KLF17: variants seen among roughly 807,000 people sequenced by gnomAD.
The protein encoded by KLF17 is Krueppel-like factor 17.
In KLF17, 31 loss-of-function variants were observed where a neutral mutation model predicts 34.2. The ratio of observed to expected loss-of-function variants is 0.91; its 90% CI spans 0.68 to 1.22. KLF17 has a LOEUF of 1.22. KLF17 is among the 50% of genes most tolerant of loss of function. KLF17 has a pLI of 0.00. For synonymous variants in KLF17, 179 were observed against 186.7 expected (o/e 0.96, Z 0.34); for missense variants, 478 against 505.2 (o/e 0.95, Z 0.52).
the KLF17 span, among the ~76,000 whole-genome samples, chr1:44,109,367 A>C: frequency 6.6e-6 from 1 of 152,242 alleles, no homozygotes; most frequent in South Asian, 2.1e-4. Flanking sequence ...GGGATAAGCA[A>C]AACAAAACAA....
chr1:44,063,612 A>G, the KLF17 span, among the ~76,000 whole-genome samples: 54 of 152,340 alleles, frequency 3.5e-4, no homozygotes, highest in African/African-American at 1.2e-3. Context: ...TTTTCTTAAA[A>G]TAATCACTTG....
chr1:44,103,722 T>A, the KLF17 span: 12 of 1,483,252 alleles, frequency 8.1e-6, 2 homozygotes, highest in South Asian at 1.4e-4. Flanking sequence ...CTCGGACAGC[T>A]TGGCGTTGGC....
the KLF17 span, among the ~76,000 whole-genome samples, chr1:44,099,857 GAAAGAAAGAAA>G: frequency 1.0e-5 from 1 of 97,014 alleles, no homozygotes; most frequent in Non-Finnish European, 2.1e-5. Context: ...AAGAAAGAAA[GAAAGAAAGAAA>G]GAAAGAAAGA....
At chr1:44,094,183 C>T in the KLF17 span, among the ~76,000 whole-genome samples, 3 of 103,360 alleles carry the variant, frequency 2.9e-5, no homozygotes, top group Non-Finnish European at 5.8e-5. Context: ...ATTTTAAACA[C>T]AGGTTATTTG....
chr1:44,112,728 T>C, the KLF17 span, among the ~76,000 whole-genome samples: 2 of 152,198 alleles, frequency 1.3e-5, no homozygotes, highest in South Asian at 2.1e-4. Flanking sequence ...CCTTTTCTGG[T>C]CATCTTTCTT....
At chr1:44,127,149 T>G (rs1310156860) in intron 1 of KLF17, among the ~76,000 whole-genome samples, 2 of 151,438 alleles carry the variant, frequency 1.3e-5, no homozygotes, top group African/African-American at 2.4e-5. Flanking sequence ...ACTCAAGAGA[T>G]CCTTCCACCT....
chr1:44,064,017 C>A, the KLF17 span, among the ~76,000 whole-genome samples: 19 of 152,112 alleles, frequency 1.2e-4, no homozygotes, highest in African/African-American at 4.1e-4. Flanking sequence ...GGGGCCAGAG[C>A]AGAGTGGAAA....
chr1:44,127,573 G>A (rs997562032), intron 1 of KLF17, among the ~76,000 whole-genome samples: 2 of 147,932 alleles, frequency 1.4e-5, no homozygotes, highest in Admixed American at 6.7e-5. Context: ...CTGACCTCAA[G>A]TGATCCACCC....
the KLF17 span, among the ~76,000 whole-genome samples, chr1:44,095,396 G>A: frequency 2.0e-5 from 3 of 150,968 alleles, no homozygotes; most frequent in African/African-American, 7.3e-5. Context: ...TGTATTTTTA[G>A]TAGAAACGAA....
At chr1:44,086,493 AAATAAAT>A in the KLF17 span, among the ~76,000 whole-genome samples, 1 of 151,702 alleles carries the variant, frequency 6.6e-6, no homozygotes, top group South Asian at 2.1e-4. Context: ...ATAAATAAAT[AAATAAAT>A]AAATAAAAAT....
the KLF17 span, chr1:44,045,345 C>T: frequency 2.0e-5 from 3 of 152,392 alleles, no homozygotes; most frequent in African/African-American, 7.2e-5. Flanking sequence ...CTTGACACTT[C>T]CTCCTCCGCC....
At position 44,129,872 on chromosome 1, in the gene KLF17, G is replaced by A; in HGVS notation, c.601G>A (p.Ala201Thr). The change falls in exon 2 of 4, where the codon GCC (alanine) becomes ACC (threonine). Residue 201 changes from alanine (A) to threonine (T), a missense_variant. Transcript: ENST00000372299. The part of the protein sequence containing the change: ...LLGPTVPSTE[A>T]QAVLPSMAQM... ...GGGCCCGACTGTGCCTTCCACTGAG[G>A]CCCAGGCAGTGCTCCCCTCCATGGC... 1 of 1,614,180 alleles carries A rather than the reference G, an allele frequency of 6.2e-7. No individual in the cohort carries two copies. Among genetic ancestry groups the A allele is most frequent in the Non-Finnish European group, 8.5e-7 (1 of 1,180,038 alleles).
At chr1:44,049,464 A>G in the KLF17 span, among the ~76,000 whole-genome samples, 1 of 152,164 alleles carries the variant, frequency 6.6e-6, no homozygotes. Context: ...TGAATTTCAT[A>G]TAGTTAGAAT....
the KLF17 span, among the ~76,000 whole-genome samples, chr1:44,081,198 C>T: frequency 6.8e-6 from 1 of 146,124 alleles, no homozygotes; most frequent in African/African-American, 2.5e-5. Flanking sequence ...TGCACTCCAG[C>T]CTGGGTAACA....
rs1339851218 is a variant in KLF17 at position 44,122,067 on chromosome 1, T to C, written c.81+3079T>C. On this transcript the variant is annotated intron_variant, in intron 1 of 3. Transcript: ENST00000372299. ...TTTTCATTTTTTTGTCCCACTTTTA[T>C]GTTTATTAAAAACTGACATAAACAC... 5 of 839,910 alleles carry C rather than the reference T, an allele frequency of 6.0e-6. No individual in the cohort carries two copies. In the East Asian group the frequency reaches 1.3e-4, roughly 22 times the overall value. 52.0% of individuals were successfully genotyped at this position (839,910 alleles called of 1,614,324 possible).
At chr1:44,063,521 C>G in the KLF17 span, among the ~76,000 whole-genome samples, 1 of 152,146 alleles carries the variant, frequency 6.6e-6, no homozygotes, top group African/African-American at 2.4e-5. Flanking sequence ...GCTGCTTCTT[C>G]TATGATATTG....
the KLF17 span, among the ~76,000 whole-genome samples, chr1:44,045,647 A>G: frequency 1.3e-5 from 2 of 152,206 alleles, no homozygotes; most frequent in South Asian, 2.1e-4. Flanking sequence ...GCAATAGTTA[A>G]ACAGTTGCCA....
the KLF17 span, among the ~76,000 whole-genome samples, chr1:44,102,402 A>C: frequency 6.6e-6 from 1 of 151,736 alleles, no homozygotes; most frequent in Admixed American, 6.6e-5. Flanking sequence ...AAAATACAAA[A>C]ATTAACCAGG....
At chr1:44,073,722 G>A in the KLF17 span, among the ~76,000 whole-genome samples, 2 of 152,086 alleles carry the variant, frequency 1.3e-5, no homozygotes, top group African/African-American at 2.4e-5. Context: ...CCCCTGGGGA[G>A]CCCTTCCTAA....
Sources: gnomAD v4.1 joint callset for allele counts (sites outside exome capture counted in the v4.1 genomes callset) on GRCh38, gnomAD v4.1.1 for gene constraint, MANE v1.5 for transcripts, NCBI Gene and HGNC (gene_info 2026-07-23, HGNC 2026-07-21) for gene names.